CHRDL2: variants seen among roughly 807,000 people sequenced by gnomAD.
CHRDL2 encodes the protein chordin-like protein 2.
CHRDL2 carries 41 observed loss-of-function variants against 54.3 expected under a neutral mutation model. That is an observed-to-expected ratio of 0.76 (90% CI 0.59 to 0.98). The LOEUF is 0.98. Among genes scored for constraint, CHRDL2 ranks in the 50% least tolerant of loss-of-function variants. The pLI, the probability that CHRDL2 is intolerant of heterozygous loss-of-function variation, is 0.00. For missense variants in CHRDL2, 518 were observed against 562.4 expected (o/e 0.92, Z 0.80); for synonymous variants, 220 against 224.3 (o/e 0.98, Z 0.17).
chr11:74,724,225 C>CA (rs1261120159), intron 1 of CHRDL2, among the ~76,000 whole-genome samples: 1 of 152,188 alleles, frequency 6.6e-6, no homozygotes, highest in Non-Finnish European at 1.5e-5. Flanking sequence ...GTGCTAGATG[C>CA]AAAGGCACAG....
In CHRDL2 at chr11:74,730,966, G is replaced by T; in HGVS notation, c.-78C>A. ...GACGAAAAGGACACGGAGGCACAGG[G>T]GCCACAGATCAACCCACAGACCCCA... On this transcript the variant is annotated 5_prime_UTR_variant, in exon 1 of 11. Coordinates refer to ENST00000376332, the MANE Select transcript of CHRDL2 (RefSeq NM_001278473.3). The T allele has an allele frequency of 8.1e-7, 1 of 1,232,790 alleles. No individual in the cohort carries two copies. Among genetic ancestry groups the T allele is most frequent in the Non-Finnish European group, 1.1e-6 (1 of 871,756 alleles). 76.4% of individuals were successfully genotyped at this position (1,232,790 alleles called of 1,614,324 possible). A position where few individuals can be genotyped will look rare whatever the true frequency, so the allele number is the denominator to read the frequency against.
intron 4 of CHRDL2, 145 bp from the exon 5 acceptor site, chr11:74,708,540 G>T (rs150787522): frequency 8.2e-6 from 5 of 608,690 alleles, no homozygotes; most frequent in Non-Finnish European, 1.4e-5. Context: ...CCACAGCAAG[G>T]CCCGGCCAGC....
intron 10 of CHRDL2, 62 bp downstream of exon 10, chr11:74,697,143 G>C: frequency 7.4e-7 from 1 of 1,359,342 alleles, no homozygotes; most frequent in South Asian, 1.2e-5. Context: ...TCCCCGAAAG[G>C]CTCTGGCCCG....
rs2034171969 is a variant in CHRDL2, at chr11:74,710,925, T to C, written c.356A>G (p.Gln119Arg). Residue 119 changes from glutamine (Q) to arginine (R), a missense_variant, in exon 4 of 11, where the codon CAA becomes CGA. Gln to Arg is a conservative substitution (Grantham distance 43). Coordinates refer to ENST00000376332, the MANE Select transcript of CHRDL2 (RefSeq NM_001278473.3). ...KSCQHNGTMY[Q>R]HGEIFSAHEL... is the part of the protein sequence containing the mutation. ...ATGGGCACTGAAGATCTCTCCGTGT[T>C]GGTACATGGTCCCGTTGTGCTGGCA... 3 of 1,614,154 alleles carry C rather than the reference T, an allele frequency of 1.9e-6. No homozygotes were observed. In the East Asian group the frequency reaches 6.7e-5, roughly 36 times the overall value.
rs2034436505 is a variant in CHRDL2, at chr11:74,718,932, G to T, written c.83-100C>A. On this transcript the variant is annotated intron_variant, in intron 1 of 10. Transcript: ENST00000376332. ...CTAGCTCTAAAAGAGATGTCATCTG[G>T]GCCACTCAGGCAAAAGAGAATCTGC... The T allele has an allele frequency of 2.5e-5, 18 of 723,372 alleles. No homozygotes were observed. In the East Asian group the frequency reaches 4.6e-4, roughly 19 times the overall value. The allele number at this position is 723,372 out of a possible 1,614,324, so 44.8% of individuals were successfully genotyped here. A position where few individuals can be genotyped will look rare whatever the true frequency, so the allele number is the denominator to read the frequency against.
intron 1 of CHRDL2, among the ~76,000 whole-genome samples, chr11:74,719,779 C>T (rs781479613): frequency 5.3e-5 from 8 of 152,196 alleles, no homozygotes; most frequent in Admixed American, 2.6e-4. Context: ...ATCTCTCCTA[C>T]AATCCTGCAT....
At chr11:74,704,697 C>A (rs1217077267) in intron 6 of CHRDL2, 43 bp from the exon 7 acceptor site, 1 of 1,581,596 alleles carries the variant, frequency 6.3e-7, no homozygotes, top group Non-Finnish European at 8.6e-7. Context: ...CTGAGCATAG[C>A]AGGCCCCAGC....
chr11:74,707,139 G>C (rs900608320), intron 5 of CHRDL2, among the ~76,000 whole-genome samples: 1 of 152,114 alleles, frequency 6.6e-6, no homozygotes, highest in African/African-American at 2.4e-5. Flanking sequence ...CCTATCTCTT[G>C]CCTCACTCCA....
intron 3 of CHRDL2, among the ~76,000 whole-genome samples, chr11:74,711,818 C>CTTTTT: frequency 6.8e-6 from 1 of 147,718 alleles, no homozygotes; most frequent in South Asian, 2.2e-4. Flanking sequence ...TCCTTTTTTT[C>CTTTTT]TTTTTTTTTT....
intron 9 of CHRDL2, chr11:74,701,596 T>C (rs1237522149): frequency 2.8e-6 from 2 of 718,004 alleles, no homozygotes; most frequent in East Asian, 2.7e-5. Context: ...ACTTACTGGC[T>C]GTGTGGCCTT....
At chr11:74,700,952 G>C (rs977716921) in intron 9 of CHRDL2, 10 of 152,080 alleles carry the variant, frequency 6.6e-5, no homozygotes, top group African/African-American at 2.2e-4. Flanking sequence ...GAATCTTAAG[G>C]CTCAAAAAAT....
In CHRDL2 at chr11:74,718,736, C is replaced by T. The variant is rs765969607; in HGVS notation, c.179G>A (p.Arg60His). ...GGAACCTACCTCTGAGCAGGTACAG[C>T]GCAGGCAGTACATCAGGCCTTGTGG... ...LEPQGLMYCL[R>H]CTCSEGAHVS... Residue 60 changes from arginine to histidine, a missense_variant, in exon 2 of 11, where the codon CGC becomes CAC. Coordinates refer to ENST00000376332, the MANE Select transcript of CHRDL2 (RefSeq NM_001278473.3). The T allele has an allele frequency of 1.2e-5, 20 of 1,612,650 alleles. No individual in the cohort carries two copies. The highest frequency in any genetic ancestry group is 3.3e-5 in the Admixed American group (2 of 59,934).
At chr11:74,727,529 C>T (rs1591372635) in intron 1 of CHRDL2, among the ~76,000 whole-genome samples, 1 of 152,096 alleles carries the variant, frequency 6.6e-6, no homozygotes, top group African/African-American at 2.4e-5. Context: ...CTCAGCCTGC[C>T]GAATAGCTGG....
At chr11:74,705,607 T>C (rs2033984997) in intron 6 of CHRDL2, among the ~76,000 whole-genome samples, 1 of 152,222 alleles carries the variant, frequency 6.6e-6, no homozygotes, top group African/African-American at 2.4e-5. Context: ...CTTGCTCCAG[T>C]CACCCAGCCC....
intron 1 of CHRDL2, among the ~76,000 whole-genome samples, chr11:74,725,672 C>T (rs138985332): frequency 3.9e-5 from 6 of 152,112 alleles, no homozygotes. Flanking sequence ...CAATAGGAAG[C>T]AGAAAAGACA....
chr11:74,700,643 A>ATTTTTTTTT (rs10661880), intron 9 of CHRDL2, among the ~76,000 whole-genome samples: 1 of 136,012 alleles, frequency 7.4e-6, no homozygotes, highest in Non-Finnish European at 1.6e-5. Flanking sequence ...TATTATTATT[A>ATTTTTTTTT]TTTTTTTTTT....
At chr11:74,723,116 C>A (rs147031789) in intron 1 of CHRDL2, among the ~76,000 whole-genome samples, 90 of 152,154 alleles carry the variant, frequency 5.9e-4, no homozygotes, top group African/African-American at 2.0e-3. Flanking sequence ...GGACCTGGAC[C>A]AAGATGGAAG....
At position 74,700,643 on chromosome 11, in the gene CHRDL2, A is replaced by AT. The variant is rs10661880; in HGVS notation, c.1120+2150dup. Reference sequence around the variant, plus strand: ...TTTTTTTATTATTATTATTATTATTATTTTTTTTTTTTTGAGACGGAGTCT... The same window carrying AT: ...TTTTTTTATTATTATTATTATTATTATTTTTTTTTTTTTTGAGACGGAGTCT... On this transcript the variant is annotated intron_variant, in intron 9 of 10. Transcript: ENST00000376332. Among the ~76,000 whole-genome samples the AT allele has an allele frequency of 4.3e-3, 587 of 136,020 alleles. 3 individuals are homozygous for AT. The highest frequency in any genetic ancestry group is 6.3e-3 in the Non-Finnish European group (406 of 64,058). The allele number at this position is 136,020 out of a possible 152,430, so 89.2% of individuals were successfully genotyped here.
rs1179967521 is a variant in CHRDL2, at chr11:74,730,896, C to T, written c.-8G>A. ...CCTCACCTCGGGAACCATCCTTTCC[C>T]CAGGGTCAGGCCGCTGGTCCGGGAG... On this transcript the variant is annotated 5_prime_UTR_variant, in exon 1 of 11. Transcript: ENST00000376332. The T allele has an allele frequency of 6.2e-7, 1 of 1,604,882 alleles. No individual in the cohort carries two copies.
Sources: gnomAD v4.1 joint callset for allele counts (sites outside exome capture counted in the v4.1 genomes callset) on GRCh38, gnomAD v4.1.1 for gene constraint, MANE v1.5 for transcripts, NCBI Gene and HGNC (gene_info 2026-07-23, HGNC 2026-07-21) for gene names.